SDHA: variants seen among roughly 807,000 people sequenced by gnomAD.
The protein encoded by SDHA is succinate dehydrogenase [ubiquinone] flavoprotein subunit, mitochondrial.
Under a neutral mutation model 78.4 loss-of-function variants are expected in SDHA, and 48 were observed. That is an observed-to-expected ratio of 0.61 (90% CI 0.49 to 0.78). The LOEUF is 0.78. Ranked by LOEUF, SDHA falls within the 30% of genes least tolerant of loss-of-function variation. The pLI, the probability that SDHA is intolerant of heterozygous loss-of-function variation, is 0.00. For synonymous variants in SDHA, 326 were observed against 353.9 expected, an observed-to-expected ratio of 0.92 and a Z score of 0.88; for missense variants, 680 against 892.7, an observed-to-expected ratio of 0.76 and a Z score of 3.04.
At chr5:267,860 G>A in the SDHA span, among the ~76,000 whole-genome samples, 3 of 152,240 alleles carry the variant, frequency 2.0e-5, no homozygotes, top group South Asian at 6.2e-4. Flanking sequence ...AGAACCAGGG[G>A]TGGGAGATGA....
chr5:239,143 G>A (rs1323949228), intron 10 of SDHA, among the ~76,000 whole-genome samples: 1 of 118,816 alleles, frequency 8.4e-6, no homozygotes, highest in East Asian at 2.1e-4. Flanking sequence ...GGTGGGCGGG[G>A]TGGGGCCTGT....
chr5:231,773 G>A (rs1735418149), intron 7 of SDHA, among the ~76,000 whole-genome samples: 1 of 151,556 alleles, frequency 6.6e-6, no homozygotes, highest in East Asian at 1.9e-4. Flanking sequence ...CTTCAGCTTT[G>A]TAGGAGAACA....
intron 6 of SDHA, among the ~76,000 whole-genome samples, chr5:229,528 A>T (rs990101020): frequency 2.0e-5 from 3 of 152,244 alleles, no homozygotes; most frequent in African/African-American, 7.2e-5. Flanking sequence ...CATGTCACTC[A>T]TGTGGAATCT....
At chr5:239,407 A>C (rs1735998509) in intron 10 of SDHA, among the ~76,000 whole-genome samples, 1 of 151,840 alleles carries the variant, frequency 6.6e-6, no homozygotes, top group Non-Finnish European at 1.5e-5. Context: ...AAATACAAAA[A>C]ATTAGCCAGG....
intron 1 of SDHA, among the ~76,000 whole-genome samples, chr5:220,564 A>C (rs899594498): frequency 6.6e-6 from 1 of 152,134 alleles, no homozygotes; most frequent in African/African-American, 2.4e-5. Flanking sequence ...TTATTTGAAA[A>C]ATTGTGACTT....
chr5:247,893 G>C (rs1440494622), intron 11 of SDHA, among the ~76,000 whole-genome samples: 1 of 152,212 alleles, frequency 6.6e-6, no homozygotes, highest in Non-Finnish European at 1.5e-5. Flanking sequence ...TCAAGGACAA[G>C]CCATAGTGGA....
In SDHA at chr5:248,800, G is replaced by A. The variant is rs187624768; in HGVS notation, c.1552-2192G>A. 5.8e-3 allele frequency among the ~76,000 whole-genome samples: 888 copies of A among 152,254 alleles called. 3 individuals are homozygous for A. The highest frequency in any genetic ancestry group is 8.9e-3 in the Non-Finnish European group (603 of 68,022). ...TTGCACCTCTCTGTCTGCGTGCCAC[G>A]GCCACACTATGTTCAGCTGGTCTGA... On this transcript the variant is annotated intron_variant, in intron 11 of 14. Coordinates refer to ENST00000264932, the MANE Select transcript of SDHA (RefSeq NM_004168.4).
At position 224,484 on chromosome 5, in the gene SDHA, A is replaced by G. The variant is rs778267118; in HGVS notation, c.275A>G (p.Lys92Arg). The change falls in exon 3 of 15, where the codon AAG becomes AGG. Residue 92 changes from lysine to arginine, a missense_variant. By Grantham distance (26) the Lys-to-Arg change is conservative. Coordinates refer to ENST00000264932, the MANE Select transcript of SDHA (RefSeq NM_004168.4). Reference protein sequence around the residue: ...EAGFNTACVTKLFPTRSHTVA... With the variant: ...EAGFNTACVTRLFPTRSHTVA... ...GGGTTTAATACAGCATGTGTTACCAAGCTGTTTCCTACCAGGTCACACACT... is the reference window on the plus strand; with the variant it reads ...GGGTTTAATACAGCATGTGTTACCAGGCTGTTTCCTACCAGGTCACACACT... 3 of 1,613,140 alleles carry G rather than the reference A, an allele frequency of 1.9e-6. No homozygotes were observed. Among genetic ancestry groups the G allele is most frequent in the Non-Finnish European group, 2.5e-6 (3 of 1,179,844 alleles).
intron 1 of SDHA, among the ~76,000 whole-genome samples, chr5:219,258 T>G (rs192052316): frequency 1.0e-3 from 149 of 147,872 alleles, no homozygotes; most frequent in African/African-American, 3.7e-3. Flanking sequence ...AGGGTTATAC[T>G]TCCCTGAGCC....
chr5:237,363 G>A (rs1735847599), intron 10 of SDHA, among the ~76,000 whole-genome samples: 1 of 134,438 alleles, frequency 7.4e-6, no homozygotes, highest in Non-Finnish European at 1.5e-5. Context: ...GAGAAGGGAT[G>A]ACTTACAGTG....
At chr5:242,467 T>G (rs967702689) in intron 11 of SDHA, among the ~76,000 whole-genome samples, 17 of 152,254 alleles carry the variant, frequency 1.1e-4, no homozygotes, top group Non-Finnish European at 2.4e-4. Flanking sequence ...TAAGGAATAC[T>G]TTTAGTAAAT....
At chr5:237,296 C>T (rs1735844911) in intron 10 of SDHA, among the ~76,000 whole-genome samples, 1 of 134,946 alleles carries the variant, frequency 7.4e-6, no homozygotes, top group East Asian at 1.9e-4. Context: ...CTTCTTGGTA[C>T]TTAGAAAAGT....
intron 14 of SDHA, 87 bp downstream of exon 14, chr5:254,593 G>C (rs1737061914): frequency 4.1e-6 from 6 of 1,473,662 alleles, no homozygotes; most frequent in Non-Finnish European, 5.5e-6. Flanking sequence ...TGGTGAACGG[G>C]GAAGAGCAGG....
At chr5:244,480 G>A (rs1308829334) in intron 11 of SDHA, among the ~76,000 whole-genome samples, 1 of 152,082 alleles carries the variant, frequency 6.6e-6, no homozygotes, top group Non-Finnish European at 1.5e-5. Flanking sequence ...ATGGGGAAAA[G>A]TGAAATTAAA....
rs567145725 is a variant in SDHA, at chr5:245,433, T to C, written c.1551+4957T>C. 3.9e-5 allele frequency among the ~76,000 whole-genome samples: 6 copies of C among 152,344 alleles called. No homozygotes were observed. In the East Asian group the frequency reaches 5.8e-4, roughly 15 times the overall value. Reference sequence around the variant, plus strand: ...ACCTGCAGCCTGCTAAGCGTTTTCATTGGAAAGTGTTGCGACAAGGCATGT... The same window carrying C: ...ACCTGCAGCCTGCTAAGCGTTTTCACTGGAAAGTGTTGCGACAAGGCATGT... On this transcript the variant is annotated intron_variant, in intron 11 of 14. Transcript: ENST00000264932.
At chr5:240,674 C>T (rs1158093900) in intron 11 of SDHA, among the ~76,000 whole-genome samples, 198 bp downstream of exon 11, 5 of 152,008 alleles carry the variant, frequency 3.3e-5, no homozygotes, top group Non-Finnish European at 5.9e-5. Flanking sequence ...AATTGTTCAA[C>T]CCCACCCCTC....
the SDHA span, among the ~76,000 whole-genome samples, chr5:262,311 G>A: frequency 2.2e-4 from 22 of 101,726 alleles, 1 homozygote; most frequent in Middle Eastern, 4.6e-3. Context: ...TGTGAGCTCC[G>A]CCTCCCGTCA....
chr5:231,212 T>G (rs1331617033), intron 7 of SDHA, among the ~76,000 whole-genome samples: 1 of 152,304 alleles, frequency 6.6e-6, no homozygotes, highest in Admixed American at 6.5e-5. Flanking sequence ...CACCGTCTTA[T>G]GTATTTCTCA....
chr5:225,457 C>T lies in SDHA; in HGVS notation c.351C>T (p.Asp117=), dbSNP rs1579384072. ...CTGCTCTGGGGAACATGGAGGAGGA[C>T]AACTGGAGGTGGCATTTCTACGACA... ...INAALGNMEE[D]NWRWHFYDTV... Residue 117 remains aspartate, a synonymous_variant, in exon 4 of 15, where the codon GAC becomes GAT. Transcript: ENST00000264932. 6.2e-7 allele frequency: 1 copy of T among 1,613,180 alleles called. No homozygotes were observed.
Sources: allele counts gnomAD v4.1 joint callset (sites outside exome capture counted in the v4.1 genomes callset), GRCh38; gene constraint gnomAD v4.1.1; transcripts MANE v1.5; gene names NCBI Gene and HGNC (gene_info 2026-07-23, HGNC 2026-07-21).